ABCA4: variants seen among roughly 807,000 people sequenced by gnomAD.
ABCA4 encodes the protein retinal-specific phospholipid-transporting ATPase ABCA4.
A neutral mutation model predicts 263.7 loss-of-function variants in ABCA4; 196 were observed. The observed-to-expected ratio is 0.74, with a 90% CI of 0.66 to 0.84. ABCA4 has a LOEUF of 0.84. Ranked by LOEUF, ABCA4 falls within the 40% of genes least tolerant of loss-of-function variation. ABCA4 has a pLI of 0.00. For synonymous variants in ABCA4, 1,133 were observed against 1,094.2 expected (o/e 1.04, Z -0.70); for missense variants, 2,792 against 2,855.1 (o/e 0.98, Z 0.50).
At chr1:94,014,242 G>A (rs1037914449) in intron 38 of ABCA4, among the ~76,000 whole-genome samples, 1 of 151,034 alleles carries the variant, frequency 6.6e-6, no homozygotes, top group African/African-American at 2.4e-5. Context: ...AAAGGAAAAA[G>A]GGAGAGAGGG....
intron 2 of ABCA4, among the ~76,000 whole-genome samples, chr1:94,111,953 A>G (rs147885419): frequency 5.0e-4 from 76 of 152,322 alleles, no homozygotes; most frequent in African/African-American, 1.8e-3. Flanking sequence ...TCCTTCAACC[A>G]CGGTGAACTG....
chr1:94,029,681 A>G (rs572001532), intron 29 of ABCA4, 50 bp from the exon 30 acceptor site: 3 of 1,555,088 alleles, frequency 1.9e-6, no homozygotes, highest in South Asian at 1.2e-5. Flanking sequence ...AGTTGCTGAC[A>G]AATCCCTAGG....
intron 19 of ABCA4, among the ~76,000 whole-genome samples, chr1:94,045,421 G>A (rs557979138): frequency 6.6e-6 from 1 of 151,618 alleles, no homozygotes; most frequent in African/African-American, 2.4e-5. Context: ...AACAGCGCCA[G>A]CATAAAGTAA....
At chr1:94,036,450 C>G (rs2101042411) in intron 26 of ABCA4, among the ~76,000 whole-genome samples, 1 of 151,112 alleles carries the variant, frequency 6.6e-6, no homozygotes, top group East Asian at 1.9e-4. Context: ...AATCTCTGCT[C>G]ACTGCAACCT....
chr1:94,111,442 A>G lies in ABCA4; in HGVS notation c.298T>C (p.Ser100Pro), dbSNP rs61748530. The G allele has an allele frequency of 1.2e-6, 2 of 1,613,800 alleles. No homozygotes were observed. The highest frequency in any genetic ancestry group is 2.7e-5 in the African/African-American group (2 of 74,910). Residue 100 changes from serine to proline, a missense_variant, in exon 3 of 50, where the codon TCC (serine) becomes CCC (proline). Transcript: ENST00000370225. ...GGTAGGGATCTCAACACTTACATGG[A>G]GTTGTTATAGTTTGACACAATTCCA... is the stretch of plus-strand genomic sequence containing the variant. Reference protein sequence around the residue: ...SPGIVSNYNNSILARVYRDFQ... With the variant: ...SPGIVSNYNNPILARVYRDFQ...
intron 3 of ABCA4, among the ~76,000 whole-genome samples, chr1:94,109,439 G>A (rs1013055004): frequency 7.2e-5 from 11 of 152,332 alleles, no homozygotes; most frequent in African/African-American, 1.7e-4. Context: ...ACATTGGCAC[G>A]CATGCACATG....
rs139543506 is a variant in ABCA4 at position 94,039,503 on chromosome 1, G to A, written c.3607+540C>T. On this transcript the variant is annotated intron_variant, in intron 24 of 49. Coordinates refer to ENST00000370225, the MANE Select transcript of ABCA4 (RefSeq NM_000350.3). ...ATAGCCTCTCCACTGCAGCTCCTTG[G>A]AGATGGGGGCACCCCTGAGAGCTTC... is the stretch of plus-strand genomic sequence containing the variant. 4.8e-3 allele frequency among the ~76,000 whole-genome samples: 738 copies of A among 152,324 alleles called. 3 individuals are homozygous for A. The highest frequency in any genetic ancestry group is 0.017 in the Middle Eastern group (5 of 294).
At position 94,098,797 on chromosome 1, in the gene ABCA4, A is replaced by G. The variant is rs1662206758; in HGVS notation, c.765T>C (p.Arg255=). The G allele has an allele frequency of 6.2e-7, 1 of 1,613,996 alleles. No homozygotes were observed. Among genetic ancestry groups the G allele is most frequent in the African/African-American group, 1.3e-5 (1 of 75,018 alleles). Residue 255 remains arginine (R), a synonymous_variant, in exon 6 of 50, where the codon CGT becomes CGC. Transcript: ENST00000370225. ...YANVDFFKLF[R]VLPTLLDSRS... is the part of the protein sequence containing the mutation. The stretch of plus-strand genomic sequence containing the variant: ...AGCAGCCAAACCCCTCCCTTACCAC[A>G]CGGAAGAGCTTGAAGAAGTCCACGT...
In ABCA4 at chr1:94,046,952, A is replaced by G; in HGVS notation, c.2885T>C (p.Leu962Pro). The change falls in exon 19 of 50, where the codon CTG (leucine) becomes CCG (proline). Residue 962 changes from leucine to proline, a missense_variant. Coordinates refer to ENST00000370225, the MANE Select transcript of ABCA4 (RefSeq NM_000350.3). ...TFYENQITAF[L>P]GHNGAGKTTT... Reference sequence around the variant, plus strand: ...GGTTTTCCCAGCTCCATTGTGGCCCAGGAATGCGGTGATCTGGTTCTCGTA... The same window carrying G: ...GGTTTTCCCAGCTCCATTGTGGCCCGGGAATGCGGTGATCTGGTTCTCGTA... The G allele has an allele frequency of 6.2e-7, 1 of 1,614,186 alleles. No individual in the cohort carries two copies. The highest frequency in any genetic ancestry group is 1.1e-5 in the South Asian group (1 of 91,074).
chr1:94,117,019 T>TTTCTTTCTTTCTTTC (rs981462171), intron 1 of ABCA4, among the ~76,000 whole-genome samples: 1 of 144,416 alleles, frequency 6.9e-6, no homozygotes, highest in African/African-American at 2.6e-5. Flanking sequence ...TCTTTCTTTC[T>TTTCTTTCTTTCTTTC]TTCTTTCCTT....
chr1:94,091,550 A>G (rs1191237), intron 6 of ABCA4, among the ~76,000 whole-genome samples: 130,745 of 151,264 alleles, frequency 0.86, 56,726 homozygotes, highest in Non-Finnish European at 0.91. Context: ...TGGAAAAAAA[A>G]GTCACAGATC....
At chr1:94,003,027 G>C (rs962486868) in intron 44 of ABCA4, among the ~76,000 whole-genome samples, 4 of 152,054 alleles carry the variant, frequency 2.6e-5, no homozygotes, top group African/African-American at 9.7e-5. Context: ...CCCATTTGAG[G>C]GTAAATTACT....
Position 94,116,986 on chromosome 1 carries a change from C to CTTTCTTTCTTTA in ABCA4, c.67-3921_67-3920insTAAAGAAAGAAA, listed in dbSNP as rs1336012343. 9.0e-5 allele frequency among the ~76,000 whole-genome samples: 10 copies of CTTTCTTTCTTTA among 110,886 alleles called. 1 individual carries two copies. In the East Asian group the frequency reaches 2.7e-3, roughly 30 times the overall value. The allele number at this position is 110,886 out of a possible 152,430, so 72.7% of individuals were successfully genotyped here. On this transcript the variant is annotated intron_variant, in intron 1 of 49. Coordinates refer to ENST00000370225, the MANE Select transcript of ABCA4 (RefSeq NM_000350.3). Reference sequence around the variant, plus strand: ...TTTCTTTCTCTTTCTTTCTTTCTTTCTTTCTTTCTTTCTTTCTTTCTTTCT... The same window carrying CTTTCTTTCTTTA: ...TTTCTTTCTCTTTCTTTCTTTCTTTCTTTCTTTCTTTATTTCTTTCTTTCTTTCTTTCTTTCT...
intron 31 of ABCA4, 57 bp from the exon 32 acceptor site, chr1:94,023,475 CT>C (rs2101026112): frequency 7.2e-7 from 1 of 1,389,082 alleles, no homozygotes; most frequent in East Asian, 2.3e-5. Flanking sequence ...GTGCCGTTAA[CT>C]TTCTTTCCCA....
Position 94,046,943 on chromosome 1 carries a change from T to C in ABCA4, c.2894A>G (p.Asn965Ser), listed in dbSNP as rs201471607. ...CAAGGTGGTGGTTTTCCCAGCTCCA[T>C]TGTGGCCCAGGAATGCGGTGATCTG... ...ENQITAFLGHNGAGKTTTLSI... is the reference protein window; with the variant it reads ...ENQITAFLGHSGAGKTTTLSI... The change falls in exon 19 of 50, where the codon AAT (asparagine) becomes AGT (serine). Residue 965 changes from asparagine (N) to serine (S), a missense_variant. Physicochemically the swap from Asn to Ser is conservative, Grantham distance 46. Transcript: ENST00000370225. 121 of 1,614,088 alleles carry C rather than the reference T, an allele frequency of 7.5e-5. No individual in the cohort carries two copies. Among genetic ancestry groups the C allele is most frequent in the East Asian group, 2.2e-4 (10 of 44,894 alleles).
chr1:94,060,278 G>A (rs1002456428), intron 14 of ABCA4, among the ~76,000 whole-genome samples: 1 of 152,180 alleles, frequency 6.6e-6, no homozygotes, highest in Non-Finnish European at 1.5e-5. Flanking sequence ...AGATGGTCAC[G>A]GAATGGGACT....
At chr1:94,116,008 T>A (rs563597041) in intron 1 of ABCA4, among the ~76,000 whole-genome samples, 8 of 152,124 alleles carry the variant, frequency 5.3e-5, no homozygotes, top group Non-Finnish European at 1.2e-4. Flanking sequence ...GGGTAAAATT[T>A]CCAAACCAAG....
chr1:94,081,610 G>A (rs1661704615), intron 7 of ABCA4, among the ~76,000 whole-genome samples: 1 of 152,178 alleles, frequency 6.6e-6, no homozygotes, highest in South Asian at 2.1e-4. Flanking sequence ...GTGCGTGTGT[G>A]TGTGCACGCC....
chr1:94,041,060 T>C lies in ABCA4; in HGVS notation c.3522+149A>G. 3 of 831,314 alleles carry C rather than the reference T, an allele frequency of 3.6e-6. No individual in the cohort carries two copies. The South Asian group carries it at 4.3e-5, about 12-fold the overall frequency. The allele number at this position is 831,314 out of a possible 1,614,324, so 51.5% of individuals were successfully genotyped here. On this transcript the variant is annotated intron_variant, in intron 23 of 49. Transcript: ENST00000370225. ...CTGTAGGAGGAGGCTTCAGAATGTG[T>C]TCATCGAAATCTTCTGCAAATGGTC... is the stretch of plus-strand genomic sequence containing the variant.
Sources: gnomAD v4.1 joint callset for allele counts (sites outside exome capture counted in the v4.1 genomes callset) on GRCh38, gnomAD v4.1.1 for gene constraint, MANE v1.5 for transcripts, NCBI Gene and HGNC (gene_info 2026-07-23, HGNC 2026-07-21) for gene names.